Variants in SPMAP2L observed in about 807,000 individuals in gnomAD.
SPMAP2L encodes sperm microtubule associated protein 2-like.
At chr4:56,612,421 A>C in the SPMAP2L span, among the ~76,000 whole-genome samples, 3 of 151,828 alleles carry the variant, frequency 2.0e-5, no homozygotes, top group Non-Finnish European at 4.4e-5. Flanking sequence ...GTCTCACTGT[A>C]ATCTCTGCCT....
At chr4:56,540,172 G>T in the SPMAP2L span, among the ~76,000 whole-genome samples, 1 of 152,276 alleles carries the variant, frequency 6.6e-6, no homozygotes, top group East Asian at 1.9e-4. Flanking sequence ...AGTACTATTT[G>T]CATCCCCATT....
the SPMAP2L span, among the ~76,000 whole-genome samples, chr4:56,618,383 T>G: frequency 6.2e-4 from 95 of 152,180 alleles, no homozygotes; most frequent in Admixed American, 6.0e-3. Context: ...GGTGTATTAG[T>G]TATTTCTCAC....
chr4:56,545,125 T>TG, the SPMAP2L span, among the ~76,000 whole-genome samples: 1 of 152,278 alleles, frequency 6.6e-6, no homozygotes, highest in South Asian at 2.1e-4. Flanking sequence ...AAATACATGG[T>TG]GATGAAGCCC....
the SPMAP2L span, among the ~76,000 whole-genome samples, chr4:56,572,620 T>A: frequency 6.6e-6 from 1 of 152,240 alleles, no homozygotes; most frequent in African/African-American, 2.4e-5. Context: ...GACTACTATA[T>A]GCTTTTTGTT....
the SPMAP2L span, among the ~76,000 whole-genome samples, chr4:56,541,980 T>G: frequency 5.3e-5 from 8 of 152,188 alleles, no homozygotes; most frequent in Non-Finnish European, 7.3e-5. Flanking sequence ...ACTAAATACA[T>G]GTTTCCCTAA....
At chr4:56,596,570 C>G in the SPMAP2L span, 1 of 1,534,210 alleles carries the variant, frequency 6.5e-7, no homozygotes, top group Non-Finnish European at 8.7e-7. Context: ...CTTGCCCACC[C>G]AAGGATCAAG....
the SPMAP2L span, among the ~76,000 whole-genome samples, chr4:56,565,076 C>T: frequency 2.6e-5 from 4 of 152,074 alleles, no homozygotes; most frequent in Admixed American, 1.3e-4. Context: ...TTTTTATGTC[C>T]CAGATTATGA....
At chr4:56,592,866 C>T in the SPMAP2L span, 1 of 1,609,994 alleles carries the variant, frequency 6.2e-7, no homozygotes. Flanking sequence ...CACATCGGCC[C>T]TGGGGACAAA....
At chr4:56,619,401 C>T in the SPMAP2L span, among the ~76,000 whole-genome samples, 4 of 152,126 alleles carry the variant, frequency 2.6e-5, no homozygotes, top group Non-Finnish European at 4.4e-5. Context: ...CATTTCTCCT[C>T]CCCCCAGTGG....
the SPMAP2L span, chr4:56,575,416 CT>C: frequency 7.0e-7 from 1 of 1,434,830 alleles, no homozygotes; most frequent in East Asian, 2.5e-5. Context: ...ACCTGCTCCC[CT>C]AGGCCTGGGG....
the SPMAP2L span, chr4:56,548,778 GT>G: frequency 5.5e-3 from 8,092 of 1,482,958 alleles, 248 homozygotes; most frequent in African/African-American, 0.066. Flanking sequence ...TTTTACTTTT[GT>G]TTTCTTTTAG....
the SPMAP2L span, chr4:56,595,657 G>T: frequency 4.2e-6 from 5 of 1,179,670 alleles, no homozygotes; most frequent in Non-Finnish European, 6.4e-6. Context: ...CACCTGGTTT[G>T]TACCTGCCCA....
the SPMAP2L span, among the ~76,000 whole-genome samples, chr4:56,622,952 G>C: frequency 6.6e-6 from 1 of 152,118 alleles, no homozygotes; most frequent in Non-Finnish European, 1.5e-5. Flanking sequence ...GGTGGGGCTG[G>C]AGGGCTGGGG....
At chr4:56,602,545 G>T in the SPMAP2L span, among the ~76,000 whole-genome samples, 1 of 151,960 alleles carries the variant, frequency 6.6e-6, no homozygotes, top group Non-Finnish European at 1.5e-5. Context: ...ATACAAAAAA[G>T]TTTGCTGGGC....
chr4:56,552,976 C>T, the SPMAP2L span, among the ~76,000 whole-genome samples: 4 of 152,030 alleles, frequency 2.6e-5, no homozygotes, highest in South Asian at 6.2e-4. Context: ...ACTTTTTGTG[C>T]ATTCTCCAAG....
At chr4:56,555,866 T>C in the SPMAP2L span, among the ~76,000 whole-genome samples, 1 of 152,256 alleles carries the variant, frequency 6.6e-6, no homozygotes, top group East Asian at 1.9e-4. Context: ...AAACTGAAAA[T>C]ATAGTATGCA....
chr4:56,559,424 G>T, the SPMAP2L span: 3 of 1,526,862 alleles, frequency 2.0e-6, no homozygotes, highest in Non-Finnish European at 2.6e-6. Context: ...GATCCTATTC[G>T]CCCTGTTTCC....
the SPMAP2L span, among the ~76,000 whole-genome samples, chr4:56,570,097 T>C: frequency 6.6e-6 from 1 of 152,202 alleles, no homozygotes; most frequent in African/African-American, 2.4e-5. Context: ...CTGCTTAGAA[T>C]GCTTTCCCCA....
At chr4:56,587,035 T>C in the SPMAP2L span, among the ~76,000 whole-genome samples, 2 of 152,214 alleles carry the variant, frequency 1.3e-5, no homozygotes, top group South Asian at 4.1e-4. Flanking sequence ...AATTTTCAAA[T>C]TTAAAAGTTG....
Sources: allele counts gnomAD v4.1 joint callset (sites outside exome capture counted in the v4.1 genomes callset), GRCh38; gene constraint gnomAD v4.1.1; transcripts MANE v1.5; gene names NCBI Gene and HGNC (gene_info 2026-07-23, HGNC 2026-07-21).